PPP6C: variants seen among roughly 807,000 people sequenced by gnomAD.
The protein encoded by PPP6C is serine/threonine-protein phosphatase 6 catalytic subunit.
A neutral mutation model predicts 39.8 loss-of-function variants in PPP6C; 11 were observed. The ratio of observed to expected loss-of-function variants is 0.28; its 90% CI spans 0.17 to 0.46. The LOEUF is 0.46. Ranked by LOEUF, PPP6C falls within the 20% of genes least tolerant of loss-of-function variation. The pLI is 1.00. For synonymous variants in PPP6C, 129 were observed against 130.3 expected (o/e 0.99, Z 0.07); for missense variants, 211 against 373.9 (o/e 0.56, Z 3.59).
intron 6 of PPP6C, chr9:125,151,591 A>G (rs1835943796): frequency 6.5e-6 from 5 of 764,844 alleles, no homozygotes; most frequent in South Asian, 4.0e-5. Context: ...TCCCTTTATA[A>G]TACAGTAACT....
chr9:125,174,357 A>G (rs958474934), intron 1 of PPP6C, among the ~76,000 whole-genome samples: 1 of 150,932 alleles, frequency 6.6e-6, no homozygotes. Context: ...ATGAGGGGAA[A>G]TAGAGTTGTT....
At chr9:125,159,292 A>G (rs1006406189) in intron 3 of PPP6C, among the ~76,000 whole-genome samples, 1 of 148,966 alleles carries the variant, frequency 6.7e-6, no homozygotes, top group East Asian at 2.0e-4. Context: ...CAGGTGATCC[A>G]CCTGCCTCGG....
At chr9:125,175,417 T>C (rs1328608058) in intron 1 of PPP6C, among the ~76,000 whole-genome samples, 1 of 151,634 alleles carries the variant, frequency 6.6e-6, no homozygotes, top group Non-Finnish European at 1.5e-5. Flanking sequence ...GGCGGGTGGA[T>C]CACGAGGTCA....
At position 125,158,399 on chromosome 9, in the gene PPP6C, TAC is replaced by T. The variant is rs1836131716; in HGVS notation, c.238-19_238-18del. ...AAAATCACCCTGTGAAGTAAAAGTT[TAC>T]AGTTACAAACAATACAATAGCCACA... On this transcript the variant is annotated intron_variant, in intron 3 of 6. Coordinates refer to ENST00000373547, the MANE Select transcript of PPP6C (RefSeq NM_002721.5). The T allele has an allele frequency of 1.2e-6, 2 of 1,610,498 alleles. No homozygotes were observed. The highest frequency in any genetic ancestry group is 1.7e-6 in the Non-Finnish European group (2 of 1,177,636).
chr9:125,165,943 C>T (rs547818660), intron 2 of PPP6C, among the ~76,000 whole-genome samples: 5 of 151,948 alleles, frequency 3.3e-5, no homozygotes, highest in African/African-American at 9.6e-5. Context: ...ATTACAGGCA[C>T]GTACCTCCAC....
rs1835855447 is a variant in PPP6C at position 125,148,278 on chromosome 9, A to G, written c.*1395T>C. The G allele has an allele frequency of 6.6e-6, 1 of 152,288 alleles. No homozygotes were observed. Among genetic ancestry groups the G allele is most frequent in the African/African-American group, 2.4e-5 (1 of 41,456 alleles). The allele number at this position is 152,288 out of a possible 1,614,324, so 9.4% of individuals were successfully genotyped here. A position where few individuals can be genotyped will look rare whatever the true frequency, so the allele number is the denominator to read the frequency against. ...GCTTTATTAATTGGCTGGCTTCACAAGTATTTCCTGGAATAACAAAAATTA... is the reference window on the plus strand; with the variant it reads ...GCTTTATTAATTGGCTGGCTTCACAGGTATTTCCTGGAATAACAAAAATTA... On this transcript the variant is annotated 3_prime_UTR_variant, in exon 7 of 7. Transcript: ENST00000373547.
intron 6 of PPP6C, among the ~76,000 whole-genome samples, chr9:125,151,857 T>C (rs779205471): frequency 6.6e-6 from 1 of 152,232 alleles, no homozygotes; most frequent in Non-Finnish European, 1.5e-5. Context: ...TGTTACAAGA[T>C]TTCAGACTTT....
chr9:125,159,544 T>C (rs1439937904), intron 3 of PPP6C, among the ~76,000 whole-genome samples: 1 of 152,094 alleles, frequency 6.6e-6, no homozygotes, highest in African/African-American at 2.4e-5. Context: ...TTTAACTGTA[T>C]TGGAAGAGTT....
chr9:125,177,245 G>T (rs1224026578), intron 1 of PPP6C, among the ~76,000 whole-genome samples: 1 of 152,100 alleles, frequency 6.6e-6, no homozygotes, highest in Non-Finnish European at 1.5e-5. Flanking sequence ...GTGGTGGCGG[G>T]CGCCTGTAGT....
chr9:125,161,884 A>T (rs956074022), intron 2 of PPP6C, among the ~76,000 whole-genome samples: 8 of 152,210 alleles, frequency 5.3e-5, no homozygotes, highest in Admixed American at 5.2e-4. Flanking sequence ...GGATTAAGGG[A>T]ATTGACTACA....
chr9:125,151,032 T>C (rs1023477550), intron 6 of PPP6C: 7 of 1,374,006 alleles, frequency 5.1e-6, no homozygotes, highest in East Asian at 2.3e-5. Flanking sequence ...TGGACCTACA[T>C]GCTTCTCAAA....
Position 125,157,408 on chromosome 9 carries a change from G to A in PPP6C, c.379+833C>T, listed in dbSNP as rs1054478654. Among the ~76,000 whole-genome samples the A allele has an allele frequency of 6.6e-5, 10 of 152,114 alleles. No individual in the cohort carries two copies. In the South Asian group the frequency reaches 2.1e-3, roughly 32 times the overall value. ...CTTAAAAACAACTCTAAAGTCCAACGATAGAGGAAAAACTGATACATCAAT... is the reference window on the plus strand; with the variant it reads ...CTTAAAAACAACTCTAAAGTCCAACAATAGAGGAAAAACTGATACATCAAT... On this transcript the variant is annotated intron_variant, in intron 4 of 6. Coordinates refer to ENST00000373547, the MANE Select transcript of PPP6C (RefSeq NM_002721.5).
In PPP6C at chr9:125,153,593, A is replaced by G. The variant is rs114499971; in HGVS notation, c.609T>C (p.Asp203=). 1.4e-3 allele frequency: 2,275 copies of G among 1,614,154 alleles called. 35 individuals carry two copies. The African/African-American group carries it at 0.027, about 19-fold the overall frequency. ...CTCCTCGGGGACTGATAGCCCAGGT[A>G]TCCACATCTTCAGGATCTGACCAAA... is the stretch of plus-strand genomic sequence containing the variant. ...DLVWSDPEDV[D]TWAISPRGAG... Residue 203 remains aspartate (D), a synonymous_variant, in exon 6 of 7, where the codon GAT becomes GAC. Transcript: ENST00000373547.
intron 1 of PPP6C, among the ~76,000 whole-genome samples, chr9:125,179,711 A>C (rs1389753652): frequency 4.1e-5 from 6 of 147,192 alleles, no homozygotes; most frequent in Non-Finnish European, 7.4e-5. Context: ...GCTGGAGTGC[A>C]ATGGCGTGAT....
rs761888399 is a variant in PPP6C, at chr9:125,158,235, T to C, written c.379+6A>G. The C allele has an allele frequency of 7.5e-6, 12 of 1,594,510 alleles. No individual in the cohort carries two copies. The highest frequency in any genetic ancestry group is 1.0e-5 in the Non-Finnish European group (12 of 1,167,144). On this transcript the variant is annotated splice_donor_region_variant and intron_variant, in intron 4 of 6. Coordinates refer to ENST00000373547, the MANE Select transcript of PPP6C (RefSeq NM_002721.5). ...TATTCAGAATCAGAGAAATAGGAAT[T>C]CTTACCATAAAATCCATAGACCTGT...
chr9:125,171,488 T>C (rs1194643765), intron 1 of PPP6C, among the ~76,000 whole-genome samples: 20 of 83,426 alleles, frequency 2.4e-4, no homozygotes, highest in African/African-American at 7.3e-4. Flanking sequence ...CATATATATA[T>C]ATATATATAT....
chr9:125,154,006 T>G lies in PPP6C; in HGVS notation c.380-21A>C, dbSNP rs745644441. 3.3e-6 allele frequency: 5 copies of G among 1,518,824 alleles called. No individual in the cohort carries two copies. The South Asian group carries it at 5.7e-5, about 17-fold the overall frequency. The allele number at this position is 1,518,824 out of a possible 1,614,324, so 94.1% of individuals were successfully genotyped here. On this transcript the variant is annotated intron_variant, in intron 4 of 6. Transcript: ENST00000373547. ...CTCATCTGTGAAAGAAACAGAAGGG[T>G]TTTAATTAATGAATCTGCTAATAAA... is the stretch of plus-strand genomic sequence containing the variant.
rs1048897800 is a variant in PPP6C, at chr9:125,189,005, T to C, written c.75+639A>G. Reference sequence around the variant, plus strand: ...TGTATTTATTGAGAACCAACTACTTTATCCACTTCAGTAAGCTCAACAACA... The same window carrying C: ...TGTATTTATTGAGAACCAACTACTTCATCCACTTCAGTAAGCTCAACAACA... On this transcript the variant is annotated intron_variant, in intron 1 of 6. Coordinates refer to ENST00000373547, the MANE Select transcript of PPP6C (RefSeq NM_002721.5). 26 of 1,306,856 alleles carry C rather than the reference T, an allele frequency of 2.0e-5. No individual in the cohort carries two copies. The East Asian group carries it at 2.6e-4, about 13-fold the overall frequency. The allele number at this position is 1,306,856 out of a possible 1,614,324, so 81.0% of individuals were successfully genotyped here. A position where few individuals can be genotyped will look rare whatever the true frequency, so the allele number is the denominator to read the frequency against.
At position 125,171,165 on chromosome 9, in the gene PPP6C, CGTA is replaced by C; in HGVS notation, c.88_90del (p.Tyr30del). On this transcript the variant is annotated inframe_deletion, in exon 2 of 7. Coordinates refer to ENST00000373547, the MANE Select transcript of PPP6C (RefSeq NM_002721.5). ...GACTCTTCTAAGAGGAGGTCACAAA[CGTA>C]GTCACATAGCCGCTATAAAAAGAGA... The C allele has an allele frequency of 6.3e-7, 1 of 1,591,810 alleles. No homozygotes were observed. The highest frequency in any genetic ancestry group is 8.6e-7 in the Non-Finnish European group (1 of 1,163,398).
Sources: allele counts gnomAD v4.1 joint callset (sites outside exome capture counted in the v4.1 genomes callset), GRCh38; gene constraint gnomAD v4.1.1; transcripts MANE v1.5; gene names NCBI Gene and HGNC (gene_info 2026-07-23, HGNC 2026-07-21).